The following NFIB variants were observed in gnomAD, a reference collection of about 807,000 sequenced individuals.
NFIB encodes the protein nuclear factor I B.
In NFIB, 11 loss-of-function variants were observed where a neutral mutation model predicts 61.5. The observed-to-expected ratio is 0.18, with a 90% CI of 0.11 to 0.30. The LOEUF is 0.30. Among genes scored for constraint, NFIB ranks in the 10% least tolerant of loss-of-function variants. The pLI is 1.00. For missense variants in NFIB, 471 were observed against 608.9 expected, an observed-to-expected ratio of 0.77 and a Z score of 2.38; for synonymous variants, 260 against 216.5, an observed-to-expected ratio of 1.20 and a Z score of -1.76.
chr9:14,125,255 T>C (rs1462093851), intron 7 of NFIB, among the ~76,000 whole-genome samples: 5 of 152,224 alleles, frequency 3.3e-5, no homozygotes, highest in Admixed American at 6.5e-5. Context: ...CCTCCCAGGC[T>C]CAAGCGATTC....
At chr9:14,266,964 T>C (rs1334692972) in intron 2 of NFIB, among the ~76,000 whole-genome samples, 3 of 152,152 alleles carry the variant, frequency 2.0e-5, no homozygotes, top group Non-Finnish European at 2.9e-5. Context: ...AGACAGGCAG[T>C]AGAAAATTCA....
rs567624542 is a variant in NFIB, at chr9:14,188,182, G to A, written c.563-8402C>T. On this transcript the variant is annotated intron_variant, in intron 2 of 10. Coordinates refer to ENST00000380953, the MANE Select transcript of NFIB (RefSeq NM_001190737.2). ...GTGTTTTCAATTAAGTAAATAAAATGTGGTAATTAAATCAAGATTGCATAA... is the reference window on the plus strand; with the variant it reads ...GTGTTTTCAATTAAGTAAATAAAATATGGTAATTAAATCAAGATTGCATAA... 3.3e-4 allele frequency among the ~76,000 whole-genome samples: 50 copies of A among 152,254 alleles called. 2 individuals are homozygous for A. The South Asian group carries it at 1.0e-2, about 30-fold the overall frequency.
intron 5 of NFIB, among the ~76,000 whole-genome samples, chr9:14,148,298 A>T (rs1224279197): frequency 6.6e-6 from 1 of 151,710 alleles, no homozygotes; most frequent in African/African-American, 2.4e-5. Flanking sequence ...AATTAAAAAA[A>T]TTTTTTGTAG....
At chr9:14,506,759 T>C in the NFIB span, among the ~76,000 whole-genome samples, 1 of 152,158 alleles carries the variant, frequency 6.6e-6, no homozygotes, top group African/African-American at 2.4e-5. Context: ...TTGCTGTAAA[T>C]AGCAGAGAGT....
At chr9:14,342,106 G>A (rs10756545) in intron 1 of NFIB, among the ~76,000 whole-genome samples, 147,749 of 152,294 alleles carry the variant, frequency 0.97, 71,836 homozygotes, top group Middle Eastern at 1. Flanking sequence ...ATATGTCCCC[G>A]AGAGCAAAAG....
At chr9:14,521,516 A>G in the NFIB span, among the ~76,000 whole-genome samples, 1 of 152,190 alleles carries the variant, frequency 6.6e-6, no homozygotes. Flanking sequence ...AATTACATAT[A>G]CTTTTCAAGG....
Position 14,081,983 on chromosome 9 carries a change from C to T in NFIB, c.*6326G>A, listed in dbSNP as rs1172430090. On this transcript the variant is annotated 3_prime_UTR_variant, in exon 11 of 11. Coordinates refer to ENST00000380953, the MANE Select transcript of NFIB (RefSeq NM_001190737.2). ...ACAGTAACAATCACATTAAGTCAAG[C>T]TTGATTTACACCAGTTTAAAACTTG... 1 of 208,132 alleles carries T rather than the reference C, an allele frequency of 4.8e-6. No homozygotes were observed. Among genetic ancestry groups the T allele is most frequent in the Admixed American group, 5.9e-5 (1 of 16,880 alleles). The allele number at this position is 208,132 out of a possible 1,614,324, so 12.9% of individuals were successfully genotyped here.
chr9:14,118,700 T>A (rs983297473), intron 8 of NFIB, among the ~76,000 whole-genome samples: 4 of 151,994 alleles, frequency 2.6e-5, no homozygotes, highest in African/African-American at 9.7e-5. Context: ...GAAAGGATTA[T>A]TCTACTTTAT....
intron 3 of NFIB, among the ~76,000 whole-genome samples, chr9:14,176,291 G>A (rs1331295548): frequency 6.7e-6 from 1 of 148,158 alleles, no homozygotes; most frequent in African/African-American, 2.5e-5. Flanking sequence ...AAGAAGAAGT[G>A]AATATAAATA....
At chr9:14,256,215 T>C (rs997191392) in intron 2 of NFIB, among the ~76,000 whole-genome samples, 1 of 152,118 alleles carries the variant, frequency 6.6e-6, no homozygotes, top group African/African-American at 2.4e-5. Flanking sequence ...TCCAGAGAGA[T>C]TGAATTTCAG....
At chr9:14,445,593 C>G in the NFIB span, among the ~76,000 whole-genome samples, 1 of 152,098 alleles carries the variant, frequency 6.6e-6, no homozygotes, top group African/African-American at 2.4e-5. Flanking sequence ...CTCCTTTAAT[C>G]TGTCAATGTG....
chr9:14,217,660 C>A (rs1293309015), intron 2 of NFIB, among the ~76,000 whole-genome samples: 4 of 81,506 alleles, frequency 4.9e-5, no homozygotes, highest in Admixed American at 1.5e-4. Context: ...AACTCCATCT[C>A]AAAAAAAAAA....
chr9:14,494,228 C>T, the NFIB span, among the ~76,000 whole-genome samples: 90 of 152,318 alleles, frequency 5.9e-4, 1 homozygote, highest in African/African-American at 2.1e-3. Flanking sequence ...ACAAACATTT[C>T]TTCCCTCATG....
chr9:14,199,226 A>G (rs1413708882), intron 2 of NFIB, among the ~76,000 whole-genome samples: 1 of 152,186 alleles, frequency 6.6e-6, no homozygotes, highest in African/African-American at 2.4e-5. Flanking sequence ...TTTTTTGGCA[A>G]TTGTGTTCTG....
At chr9:14,254,095 A>T (rs1202982975) in intron 2 of NFIB, among the ~76,000 whole-genome samples, 1 of 152,190 alleles carries the variant, frequency 6.6e-6, no homozygotes, top group African/African-American at 2.4e-5. Flanking sequence ...TGAGGCCAGT[A>T]GTTTGAGACT....
chr9:14,501,644 G>A, the NFIB span, among the ~76,000 whole-genome samples: 1 of 149,648 alleles, frequency 6.7e-6, no homozygotes, highest in African/African-American at 2.5e-5. Flanking sequence ...GGTGGCCAGG[G>A]CCCCCTCATT....
chr9:14,291,437 A>G (rs2059092467), intron 2 of NFIB, among the ~76,000 whole-genome samples: 1 of 152,166 alleles, frequency 6.6e-6, no homozygotes, highest in Admixed American at 6.5e-5. Flanking sequence ...GTGAGCCAAG[A>G]TCACGCCACT....
intron 2 of NFIB, among the ~76,000 whole-genome samples, chr9:14,219,163 C>A (rs1306676495): frequency 1.3e-5 from 2 of 152,086 alleles, no homozygotes; most frequent in Non-Finnish European, 2.9e-5. Flanking sequence ...TTTGGCACAG[C>A]CTCTCACAAC....
At chr9:14,338,855 C>T (rs1364776692) in intron 1 of NFIB, among the ~76,000 whole-genome samples, 1 of 151,896 alleles carries the variant, frequency 6.6e-6, no homozygotes, top group Non-Finnish European at 1.5e-5. Context: ...CCTCCTTCCC[C>T]CCTTGGATCC....
Sources: allele counts gnomAD v4.1 joint callset (sites outside exome capture counted in the v4.1 genomes callset), GRCh38; gene constraint gnomAD v4.1.1; transcripts MANE v1.5; gene names NCBI Gene and HGNC (gene_info 2026-07-23, HGNC 2026-07-21).